KAZN: variants seen among roughly 807,000 people sequenced by gnomAD.
KAZN encodes the protein kazrin, periplakin interacting protein.
In KAZN, 40 loss-of-function variants were observed where a neutral mutation model predicts 87.4. That is an observed-to-expected ratio of 0.46 (90% confidence interval 0.36 to 0.60). The LOEUF (loss-of-function observed/expected upper bound fraction) is 0.60. Ranked by LOEUF, KAZN falls within the 20% of genes least tolerant of loss-of-function variation. The pLI is 0.00. For missense variants in KAZN, 898 were observed against 1,073.9 expected, an observed-to-expected ratio of 0.84 and a Z score of 2.29; for synonymous variants, 466 against 458.3, an observed-to-expected ratio of 1.02 and a Z score of -0.22.
At chr1:14,800,524 G>A (rs915932899) in intron 1 of KAZN, among the ~76,000 whole-genome samples, 1 of 152,154 alleles carries the variant, frequency 6.6e-6, no homozygotes, top group Non-Finnish European at 1.5e-5. Flanking sequence ...AACATAGTGA[G>A]ACCCCATCTC....
chr1:14,546,908 C>G (rs943284473), intron 2 of KAZN, among the ~76,000 whole-genome samples: 1 of 152,174 alleles, frequency 6.6e-6, no homozygotes, highest in African/African-American at 2.4e-5. Context: ...TTTCCTGGAT[C>G]TGGAGTTCAC....
At chr1:14,476,162 C>A (rs1427631973) in intron 2 of KAZN, among the ~76,000 whole-genome samples, 1 of 151,964 alleles carries the variant, frequency 6.6e-6, no homozygotes, top group Non-Finnish European at 1.5e-5. Flanking sequence ...AGTGCTGGGA[C>A]TCTCTACTAT....
rs541631200 is a variant in KAZN at position 14,384,244 on chromosome 1, A to C, written c.249+203652A>C. 3.4e-3 allele frequency among the ~76,000 whole-genome samples: 523 copies of C among 151,942 alleles called. 4 individuals are homozygous for C. Among genetic ancestry groups the C allele is most frequent in the African/African-American group, 0.012 (502 of 41,366 alleles). On this transcript the variant is annotated intron_variant, in intron 2 of 16. Coordinates refer to the KAZN transcript ENST00000636203. ...AGACAATGGGGTTTTCTAGATATAC[A>C]ATCATGTCATCTGCAAACAGGGATA... is the stretch of plus-strand genomic sequence containing the variant.
intron 1 of KAZN, among the ~76,000 whole-genome samples, chr1:14,055,422 C>G (rs149317317): frequency 2.7e-4 from 41 of 152,216 alleles, no homozygotes; most frequent in African/African-American, 9.4e-4. Flanking sequence ...GTTGGGAAGC[C>G]TTGGGATATA....
chr1:14,883,318 A>AAGAAAGAAAGAGAG (rs1266778797), intron 1 of KAZN, among the ~76,000 whole-genome samples: 1 of 38,548 alleles, frequency 2.6e-5, no homozygotes, highest in African/African-American at 7.7e-5. Context: ...GAAAGAAAGA[A>AAGAAAGAAAGAGAG]AGAGAGAGAG....
intron 2 of KAZN, among the ~76,000 whole-genome samples, chr1:14,419,089 T>C (rs1665112521): frequency 6.6e-6 from 1 of 152,212 alleles, no homozygotes; most frequent in African/African-American, 2.4e-5. Context: ...TTGAGCATTT[T>C]CAATAGAAAA....
intron 1 of KAZN, among the ~76,000 whole-genome samples, chr1:14,626,427 C>T (rs1679143397): frequency 6.6e-6 from 1 of 152,192 alleles, no homozygotes; most frequent in Non-Finnish European, 1.5e-5. Context: ...CTTACAACAG[C>T]CCATTGTGTT....
intron 2 of KAZN, among the ~76,000 whole-genome samples, chr1:14,348,051 A>AT (rs70997137): frequency 0.045 from 5,338 of 117,812 alleles, 422 homozygotes; most frequent in African/African-American, 0.15. Context: ...CACCTGGCTA[A>AT]TTTTTTTTTT....
chr1:14,545,290 G>T (rs1673070551), intron 2 of KAZN, among the ~76,000 whole-genome samples: 2 of 152,082 alleles, frequency 1.3e-5, no homozygotes, highest in South Asian at 2.1e-4. Context: ...GTGGTCAAAG[G>T]TTGGTTTTAA....
intron 1 of KAZN, among the ~76,000 whole-genome samples, chr1:14,894,954 C>T (rs1655104149): frequency 6.6e-6 from 1 of 152,274 alleles, no homozygotes; most frequent in Non-Finnish European, 1.5e-5. Flanking sequence ...CTTCTCTCTG[C>T]CCCAGGGCAT....
At chr1:14,867,629 G>GT (rs1396796833) in intron 1 of KAZN, among the ~76,000 whole-genome samples, 1 of 151,976 alleles carries the variant, frequency 6.6e-6, no homozygotes, top group Non-Finnish European at 1.5e-5. Flanking sequence ...AGGTGCTGCT[G>GT]TTTGTGTTAT....
Position 14,856,045 on chromosome 1 carries a change from C to T in KAZN, c.227-104639C>T, listed in dbSNP as rs1650057762. On this transcript the variant is annotated intron_variant, in intron 1 of 14. Transcript: ENST00000376030. This position sits in a 1 kb window ranked among gnomAD's most constrained non-coding sequence, Gnocchi z 5.2. ...GAGCACATTAGTAATTGGAATGTGA[C>T]ATTGGGATATGGCAGGTGAGTAATA... is the stretch of plus-strand genomic sequence containing the variant. 6.6e-6 allele frequency among the ~76,000 whole-genome samples: 1 copy of T among 152,176 alleles called. No homozygotes were observed. Among genetic ancestry groups the T allele is most frequent in the Non-Finnish European group, 1.5e-5 (1 of 68,042 alleles).
intron 2 of KAZN, among the ~76,000 whole-genome samples, chr1:14,284,717 G>C (rs1010132901): frequency 6.6e-6 from 1 of 152,224 alleles, no homozygotes; most frequent in Non-Finnish European, 1.5e-5. Flanking sequence ...GGAGACCATA[G>C]AGCAGCCCAG....
At chr1:14,698,455 G>T (rs1641737845) in intron 1 of KAZN, among the ~76,000 whole-genome samples, 1 of 152,224 alleles carries the variant, frequency 6.6e-6, no homozygotes, top group East Asian at 1.9e-4. Context: ...GTTGGGGTCA[G>T]GTGGCTTGCT....
At chr1:14,065,189 C>T (rs538252252) in intron 1 of KAZN, among the ~76,000 whole-genome samples, 2 of 152,318 alleles carry the variant, frequency 1.3e-5, no homozygotes, top group African/African-American at 4.8e-5. Flanking sequence ...GGAGGGGAAT[C>T]TGTTCCGGCT....
At chr1:14,233,001 A>G (rs1347300154) in intron 2 of KAZN, among the ~76,000 whole-genome samples, 1 of 152,234 alleles carries the variant, frequency 6.6e-6, no homozygotes. Flanking sequence ...AATTTTAACA[A>G]CATTGTAAGC....
intron 1 of KAZN, among the ~76,000 whole-genome samples, chr1:14,134,955 A>T (rs1233428642): frequency 7.4e-6 from 1 of 135,590 alleles, no homozygotes; most frequent in Non-Finnish European, 1.6e-5. Flanking sequence ...ACAAGCATGC[A>T]TGCATATGCA....
At chr1:14,572,836 A>G (rs776719636) in intron 2 of KAZN, among the ~76,000 whole-genome samples, 1 of 152,234 alleles carries the variant, frequency 6.6e-6, no homozygotes, top group Non-Finnish European at 1.5e-5. Flanking sequence ...CTCATTATTT[A>G]GTTTGTTAAA....
intron 1 of KAZN, among the ~76,000 whole-genome samples, chr1:14,148,198 C>CAAAACAA (rs1557514979): frequency 6.6e-6 from 1 of 151,512 alleles, no homozygotes; most frequent in Non-Finnish European, 1.5e-5. Context: ...GACCCTGTCT[C>CAAAACAA]AAAACAAAAC....
Sources: gnomAD v4.1 joint callset for allele counts (sites outside exome capture counted in the v4.1 genomes callset) on GRCh38, gnomAD v4.1.1 for gene constraint, Gnocchi (gnomAD v3.1) non-coding constraint, MANE v1.5 for transcripts, NCBI Gene and HGNC (gene_info 2026-07-23, HGNC 2026-07-21) for gene names.